SMO: variants seen among roughly 807,000 people sequenced by gnomAD.
SMO encodes the protein protein smoothened.
Under a neutral mutation model 81.6 loss-of-function variants are expected in SMO, and 40 were observed. The observed-to-expected ratio is 0.49, with a 90% CI of 0.38 to 0.64. The LOEUF (loss-of-function observed/expected upper bound fraction) is 0.64. Among genes scored for constraint, SMO ranks in the 30% least tolerant of loss-of-function variants. The pLI, the probability that SMO is intolerant of heterozygous loss-of-function variation, is 0.00. For missense variants in SMO, 916 were observed against 1,061.1 expected, an observed-to-expected ratio of 0.86 and a Z score of 1.90; for synonymous variants, 434 against 432.1, an observed-to-expected ratio of 1.00 and a Z score of -0.05.
In SMO at chr7:129,211,886, G is replaced by T. The variant is rs1279694769; in HGVS notation, c.1936+116G>T. On this transcript the variant is annotated intron_variant, in intron 11 of 11. Transcript: ENST00000249373. This position sits in a 1 kb window ranked among gnomAD's most constrained non-coding sequence, Gnocchi z 4.6. Reference sequence around the variant, plus strand: ...GGAAGAGGAAGGAAAGGCCCCAGAGGATCTGAAGAGTGGGGCTGAGGCTCT... The same window carrying T: ...GGAAGAGGAAGGAAAGGCCCCAGAGTATCTGAAGAGTGGGGCTGAGGCTCT... The T allele has an allele frequency of 2.7e-6, 4 of 1,456,426 alleles. No homozygotes were observed. In the Admixed American group the frequency reaches 5.4e-5, roughly 20 times the overall value. 90.2% of individuals were successfully genotyped at this position (1,456,426 alleles called of 1,614,324 possible).
chr7:129,195,897 C>A (rs747788096), intron 1 of SMO, among the ~76,000 whole-genome samples: 3 of 151,822 alleles, frequency 2.0e-5, no homozygotes, highest in African/African-American at 7.3e-5. Context: ...GTCAGGAAGT[C>A]GAGACCATCC....
In SMO at chr7:129,211,969, G is replaced by A. The variant is rs2150656121; in HGVS notation, c.1937-55G>A. On this transcript the variant is annotated intron_variant, in intron 11 of 11. Coordinates refer to ENST00000249373, the MANE Select transcript of SMO (RefSeq NM_005631.5). The surrounding 1 kb of genome is among the most constrained non-coding windows in gnomAD (Gnocchi z 4.6). ...AGGTTAAGTGCTCCCAGGGGAGCGGGGGTGGCATGGACAGAGCCAGGGCCC... is the reference window on the plus strand; with the variant it reads ...AGGTTAAGTGCTCCCAGGGGAGCGGAGGTGGCATGGACAGAGCCAGGGCCC... The A allele has an allele frequency of 6.6e-7, 1 of 1,504,776 alleles. No individual in the cohort carries two copies. The highest frequency in any genetic ancestry group is 1.3e-5 in the South Asian group (1 of 78,578). The allele number at this position is 1,504,776 out of a possible 1,614,324, so 93.2% of individuals were successfully genotyped here. A position where few individuals can be genotyped will look rare whatever the true frequency, so the allele number is the denominator to read the frequency against.
At chr7:129,196,994 G>A (rs1480251526) in intron 1 of SMO, among the ~76,000 whole-genome samples, 2 of 126,358 alleles carry the variant, frequency 1.6e-5, no homozygotes, top group Non-Finnish European at 3.1e-5. Flanking sequence ...TCCAGCCTGG[G>A]CAATACAGTG....
chr7:129,197,193 C>T (rs1793595694), intron 1 of SMO, among the ~76,000 whole-genome samples: 1 of 151,896 alleles, frequency 6.6e-6, no homozygotes, highest in South Asian at 2.1e-4. Flanking sequence ...AAGTCTTATA[C>T]CTTTTATTTA....
chr7:129,200,485 A>AT (rs1013239144), intron 1 of SMO, among the ~76,000 whole-genome samples: 16 of 152,094 alleles, frequency 1.1e-4, no homozygotes, highest in Non-Finnish European at 1.5e-4. Flanking sequence ...CAATGTAGTT[A>AT]TTTTTTTATC....
intron 1 of SMO, among the ~76,000 whole-genome samples, chr7:129,199,403 A>C (rs1251456617): frequency 6.6e-6 from 1 of 151,970 alleles, no homozygotes. Flanking sequence ...GCTTGTGTAG[A>C]ACTCCTGACC....
chr7:129,205,329 T>C lies in SMO; in HGVS notation c.664T>C (p.Phe222Leu). The change falls in exon 3 of 12, where the codon TTC (phenylalanine) becomes CTC (leucine). Residue 222 changes from phenylalanine (F) to leucine (L), a missense_variant. Phe to Leu is a conservative substitution (Grantham distance 22, BLOSUM62 0). Around this residue, in one of 4 missense-constraint regions of SMO, gnomAD observed 436 missense variants for 570.9 expected, o/e 0.76. Transcript: ENST00000249373. ...GCGIQCQNPL[F>L]TEAEHQDMHS... ...CGGCATCCAGTGCCAGAACCCGCTC[T>C]TCACAGAGGCTGAGCACCAGGACAT... is the stretch of plus-strand genomic sequence containing the variant. The C allele has an allele frequency of 4.3e-6, 7 of 1,614,130 alleles. No individual in the cohort carries two copies. The highest frequency in any genetic ancestry group is 5.9e-6 in the Non-Finnish European group (7 of 1,179,994).
At chr7:129,193,245 C>T (rs1000193026) in intron 1 of SMO, among the ~76,000 whole-genome samples, 2 of 152,186 alleles carry the variant, frequency 1.3e-5, no homozygotes, top group Non-Finnish European at 2.9e-5. Context: ...CTGCTGTGCT[C>T]TGTGTGGTAC....
chr7:129,210,243 T>G lies in SMO; in HGVS notation c.1467-120T>G, dbSNP rs4728158. Reference sequence around the variant, plus strand: ...TTGCCTGAGCCCAGGAGTTGGAAGCTGCAGTGGGTTGTGATCACGCCACCG... The same window carrying G: ...TTGCCTGAGCCCAGGAGTTGGAAGCGGCAGTGGGTTGTGATCACGCCACCG... On this transcript the variant is annotated intron_variant, in intron 8 of 11. Transcript: ENST00000249373. The surrounding 1 kb of genome is among the most constrained non-coding windows in gnomAD (Gnocchi z 4.7). 0.14 allele frequency: 102,599 copies of G among 757,446 alleles called. 8,030 individuals are homozygous for G. Among genetic ancestry groups the G allele is most frequent in the East Asian group, 0.25 (9,589 of 38,452 alleles). 46.9% of individuals were successfully genotyped at this position (757,446 alleles called of 1,614,324 possible). A position where few individuals can be genotyped will look rare whatever the true frequency, so the allele number is the denominator to read the frequency against.
At position 129,210,691 on chromosome 7, in the gene SMO, T is replaced by C. The variant is rs2150654239; in HGVS notation, c.1652+143T>C. 4 of 766,336 alleles carry C rather than the reference T, an allele frequency of 5.2e-6. No individual in the cohort carries two copies. The South Asian group carries it at 7.1e-5, about 14-fold the overall frequency. 47.5% of individuals were successfully genotyped at this position (766,336 alleles called of 1,614,324 possible). ...GCCCCCTGGTGGCACCTTCTGTCCT[T>C]GGGTGGCCTGATGCCTGGGCCTGGG... On this transcript the variant is annotated intron_variant, in intron 9 of 11. Transcript: ENST00000249373. The surrounding 1 kb of genome is among the most constrained non-coding windows in gnomAD (Gnocchi z 4.7).
rs1206491583 is a variant in SMO, at chr7:129,203,453, G to T, written c.401G>T (p.Cys134Phe). 1.3e-6 allele frequency: 2 copies of T among 1,577,564 alleles called. No homozygotes were observed. The highest frequency in any genetic ancestry group is 1.7e-6 in the Non-Finnish European group (2 of 1,161,206). The change falls in exon 2 of 12, where the codon TGT (cysteine) becomes TTT (phenylalanine). Residue 134 changes from cysteine to phenylalanine, a missense_variant. Cys to Phe is a radical substitution (Grantham distance 205). Coordinates refer to ENST00000249373, the MANE Select transcript of SMO (RefSeq NM_005631.5). ...PLLCAVYMPK[C>F]ENDRVELPSR... ...CTGTGTGCCGTATACATGCCCAAGT[G>T]TGAGAATGACCGGGTGGAGCTGCCC...
intron 1 of SMO, among the ~76,000 whole-genome samples, chr7:129,192,635 T>G (rs1793496823): frequency 6.6e-6 from 1 of 152,098 alleles, no homozygotes; most frequent in Non-Finnish European, 1.5e-5. Flanking sequence ...TCCCACTAAC[T>G]TTCAGAGGTA....
Position 129,211,440 on chromosome 7 carries a change from G to T in SMO, c.1802-196G>T, listed in dbSNP as rs761312608. The T allele has an allele frequency of 6.0e-5, 44 of 734,930 alleles. No homozygotes were observed. Among genetic ancestry groups the T allele is most frequent in the Non-Finnish European group, 9.6e-5 (40 of 414,964 alleles). 45.5% of individuals were successfully genotyped at this position (734,930 alleles called of 1,614,324 possible). A position where few individuals can be genotyped will look rare whatever the true frequency, so the allele number is the denominator to read the frequency against. On this transcript the variant is annotated intron_variant, in intron 10 of 11. Transcript: ENST00000249373. This position sits in a 1 kb window ranked among gnomAD's most constrained non-coding sequence, Gnocchi z 4.6. ...CCAAGAACTGGATTTCTGGCCTCCA[G>T]TTAGGCCCTTTGGGGACGTGAGGCC...
In SMO at chr7:129,212,097, CCGGAAGAAGAAGAGG is replaced by C; in HGVS notation, c.2011_2025del (p.Lys673_Lys677del). 6.3e-7 allele frequency: 1 copy of C among 1,579,218 alleles called. No homozygotes were observed. The highest frequency in any genetic ancestry group is 8.6e-7 in the Non-Finnish European group (1 of 1,165,706). On this transcript the variant is annotated inframe_deletion, in exon 12 of 12. Transcript: ENST00000249373. The surrounding 1 kb of genome is among the most constrained non-coding windows in gnomAD (Gnocchi z 5.0). ...CCCCAGAGCTGCAGAAGCGCCTGGGCCGGAAGAAGAAGAGGAGGAAGAGGAAGAAGGAGGTGTGCC... is the reference window on the plus strand; with the variant it reads ...CCCCAGAGCTGCAGAAGCGCCTGGGCAGGAAGAGGAAGAAGGAGGTGTGCC...
At chr7:129,193,195 C>T (rs1793504055) in intron 1 of SMO, among the ~76,000 whole-genome samples, 2 of 152,140 alleles carry the variant, frequency 1.3e-5, no homozygotes, top group African/African-American at 4.8e-5. Context: ...CTGGCAGTGG[C>T]GATAGGTCCC....
rs4728158 is a variant in SMO at position 129,210,243 on chromosome 7, T to A, written c.1467-120T>A. Reference sequence around the variant, plus strand: ...TTGCCTGAGCCCAGGAGTTGGAAGCTGCAGTGGGTTGTGATCACGCCACCG... The same window carrying A: ...TTGCCTGAGCCCAGGAGTTGGAAGCAGCAGTGGGTTGTGATCACGCCACCG... On this transcript the variant is annotated intron_variant, in intron 8 of 11. Transcript: ENST00000249373. This position sits in a 1 kb window ranked among gnomAD's most constrained non-coding sequence, Gnocchi z 4.7. 4 of 758,068 alleles carry A rather than the reference T, an allele frequency of 5.3e-6. No individual in the cohort carries two copies. In the South Asian group the frequency reaches 6.9e-5, roughly 13 times the overall value. 47.0% of individuals were successfully genotyped at this position (758,068 alleles called of 1,614,324 possible).
At position 129,208,675 on chromosome 7, in the gene SMO, C is replaced by T. The variant is rs1793813136; in HGVS notation, c.1265-84C>T. 1.2e-6 allele frequency: 1 copy of T among 822,340 alleles called. No homozygotes were observed. The highest frequency in any genetic ancestry group is 2.1e-6 in the Non-Finnish European group (1 of 479,442). 50.9% of individuals were successfully genotyped at this position (822,340 alleles called of 1,614,324 possible). A position where few individuals can be genotyped will look rare whatever the true frequency, so the allele number is the denominator to read the frequency against. ...GTAATCAGACTTGGGACTCCAGAGC[C>T]TTAGGACCCTCCTCCCACTCACCCA... On this transcript the variant is annotated intron_variant, in intron 6 of 11. Transcript: ENST00000249373. The surrounding 1 kb of genome is among the most constrained non-coding windows in gnomAD (Gnocchi z 5.2).
At position 129,212,314 on chromosome 7, in the gene SMO, C is replaced by T. The variant is rs112783338; in HGVS notation, c.2227C>T (p.Pro743Ser). The T allele has an allele frequency of 3.7e-5, 59 of 1,614,070 alleles. No individual in the cohort carries two copies. The highest frequency in any genetic ancestry group is 4.7e-5 in the Non-Finnish European group (56 of 1,180,024). The stretch of plus-strand genomic sequence containing the variant: ...CAACCCATTCTGCCCAGAGCCCAGT[C>T]CCCCTCAGGATCCATTTCTGCCCAG... ...VSNPFCPEPSPPQDPFLPSAP... is the reference protein window; with the variant it reads ...VSNPFCPEPSSPQDPFLPSAP... Residue 743 changes from proline (P) to serine (S), a missense_variant, in exon 12 of 12, where the codon CCC becomes TCC. This residue lies in a region of SMO where 324 missense variants were observed against 312.9 expected (regional missense o/e 1.04). Coordinates refer to ENST00000249373, the MANE Select transcript of SMO (RefSeq NM_005631.5). The surrounding 1 kb of genome is among the most constrained non-coding windows in gnomAD (Gnocchi z 5.0).
In SMO at chr7:129,194,781, ATTTG is replaced by A. The variant is rs577873350; in HGVS notation, c.331+5307_331+5310del. Among the ~76,000 whole-genome samples the A allele has an allele frequency of 3.8e-3, 579 of 151,268 alleles. 3 individuals are homozygous for A. Among genetic ancestry groups the A allele is most frequent in the South Asian group, 0.011 (51 of 4,792 alleles). Reference sequence around the variant, plus strand: ...CAGCTTATTTCTTTTTTGCTTGTTTATTTGTTTGTTTTTGTTTTTTTGAGACAGT... The same window carrying A: ...CAGCTTATTTCTTTTTTGCTTGTTTATTTGTTTTTGTTTTTTTGAGACAGT... On this transcript the variant is annotated intron_variant, in intron 1 of 11. Coordinates refer to ENST00000249373, the MANE Select transcript of SMO (RefSeq NM_005631.5).
Sources: allele counts gnomAD v4.1 joint callset (sites outside exome capture counted in the v4.1 genomes callset), GRCh38; gene constraint gnomAD v4.1.1; regional missense constraint gnomAD v4.1.1; non-coding constraint Gnocchi (gnomAD v3.1); transcripts MANE v1.5; gene names NCBI Gene and HGNC (gene_info 2026-07-23, HGNC 2026-07-21).